Variants in FTO observed in about 807,000 individuals in gnomAD.
The protein encoded by FTO is alpha-ketoglutarate-dependent dioxygenase FTO.
FTO carries 47 observed loss-of-function variants against 63.9 expected under a neutral mutation model. The observed-to-expected ratio is 0.74, with a 90% CI of 0.58 to 0.94. The LOEUF (loss-of-function observed/expected upper bound fraction) is 0.94. Ranked by LOEUF, FTO falls within the 40% of genes least tolerant of loss-of-function variation. The pLI is 0.00. For synonymous variants in FTO, 207 were observed against 224.4 expected (o/e 0.92, Z 0.69); for missense variants, 562 against 618.1 (o/e 0.91, Z 0.96).
chr16:53,923,090 G>A (rs2082046018), intron 7 of FTO: 1 of 152,160 alleles, frequency 6.6e-6, no homozygotes, highest in Admixed American at 6.5e-5. Context: ...AAAACAGAGG[G>A]AGAAAGAAGA....
rs373566964 is a variant in FTO at position 54,075,336 on chromosome 16, G to A, written c.1365-36426G>A. Among the ~76,000 whole-genome samples, 22 of 152,162 alleles carry A rather than the reference G, an allele frequency of 1.4e-4. No individual in the cohort carries two copies. The East Asian group carries it at 2.3e-3, about 16-fold the overall frequency. ...TGGTTTGTTCGCCTCTGATAAAAAA[G>A]ATATATGAAAAAGAATCTGACAGTG... On this transcript the variant is annotated intron_variant, in intron 8 of 8. Transcript: ENST00000471389.
intron 1 of FTO, among the ~76,000 whole-genome samples, chr16:53,757,982 A>AGCC (rs1567960584): frequency 6.6e-6 from 1 of 152,232 alleles, no homozygotes. Context: ...TGGAGTATTC[A>AGCC]GCCTTTCTTT....
chr16:54,063,670 G>GT (rs1215350964), intron 8 of FTO: 2 of 151,740 alleles, frequency 1.3e-5, no homozygotes, highest in African/African-American at 4.9e-5. Flanking sequence ...ATGGCCCAGA[G>GT]GCACAGCCAT....
intron 7 of FTO, among the ~76,000 whole-genome samples, chr16:53,899,620 A>G (rs891436683): frequency 3.3e-5 from 5 of 152,202 alleles, no homozygotes; most frequent in Non-Finnish European, 4.4e-5. Context: ...CTGCTTGTCT[A>G]CACTTCAGAC....
intron 7 of FTO, among the ~76,000 whole-genome samples, chr16:53,916,377 A>T (rs1463767589): frequency 6.6e-6 from 1 of 152,164 alleles, no homozygotes; most frequent in Non-Finnish European, 1.5e-5. Context: ...CGTTTCTTTT[A>T]TTCTAAATCA....
At chr16:53,733,176 G>T (rs983006831) in intron 1 of FTO, among the ~76,000 whole-genome samples, 1 of 152,212 alleles carries the variant, frequency 6.6e-6, no homozygotes, top group African/African-American at 2.4e-5. Context: ...GAGGCGGGAG[G>T]ATCACCTGAG....
intron 1 of FTO, among the ~76,000 whole-genome samples, chr16:53,740,992 A>G (rs2076516481): frequency 6.6e-6 from 1 of 152,194 alleles, no homozygotes; most frequent in South Asian, 2.1e-4. Flanking sequence ...TTGTTTTTTA[A>G]TCGACCTTGA....
rs77536297 is a variant in FTO at position 53,831,464 on chromosome 16, A to G, written c.751+4973A>G. 1.6e-3 allele frequency among the ~76,000 whole-genome samples: 204 copies of G among 128,508 alleles called. 1 individual carries two copies. The highest frequency in any genetic ancestry group is 2.1e-3 in the African/African-American group (71 of 33,764). 84.3% of individuals were successfully genotyped at this position (128,508 alleles called of 152,430 possible). On this transcript the variant is annotated intron_variant, in intron 3 of 8. Coordinates refer to ENST00000471389, the MANE Select transcript of FTO (RefSeq NM_001080432.3). ...GCTCACAAGAAGACCAAAGGGGGGG[A>G]AAAAACTTATTTGATCTACAAAGTT...
chr16:53,729,137 C>T (rs1034665911), intron 1 of FTO, among the ~76,000 whole-genome samples: 2 of 152,094 alleles, frequency 1.3e-5, no homozygotes, highest in African/African-American at 4.8e-5. Context: ...CTTCTTTCAT[C>T]TCTTCATCTT....
At chr16:53,960,633 G>T (rs1454871362) in intron 8 of FTO, among the ~76,000 whole-genome samples, 1 of 151,620 alleles carries the variant, frequency 6.6e-6, no homozygotes, top group Non-Finnish European at 1.5e-5. Context: ...ATGACATGAA[G>T]CATTTCTCAG....
chr16:53,844,540 G>A (rs116267924), intron 4 of FTO, among the ~76,000 whole-genome samples: 2,124 of 152,072 alleles, frequency 0.014, 44 homozygotes, highest in African/African-American at 0.049. Flanking sequence ...GCTCATTGCC[G>A]TTTCCACCTC....
At chr16:54,007,021 C>T (rs866478209) in intron 8 of FTO, among the ~76,000 whole-genome samples, 9 of 152,234 alleles carry the variant, frequency 5.9e-5, no homozygotes, top group Non-Finnish European at 1.0e-4. Flanking sequence ...TCTCCTTACA[C>T]AGATCGTCCT....
chr16:53,936,308 G>A (rs1213947273), intron 8 of FTO, among the ~76,000 whole-genome samples: 1 of 152,176 alleles, frequency 6.6e-6, no homozygotes, highest in Non-Finnish European at 1.5e-5. Context: ...CAAGAGGCTG[G>A]TGTCTTGAGA....
At chr16:54,099,844 G>A (rs1290144384) in intron 8 of FTO, among the ~76,000 whole-genome samples, 1 of 152,116 alleles carries the variant, frequency 6.6e-6, no homozygotes, top group Non-Finnish European at 1.5e-5. Flanking sequence ...TGCCTGCCTG[G>A]GGAGCCAAGT....
At chr16:53,953,306 G>A (rs115244658) in intron 8 of FTO, among the ~76,000 whole-genome samples, 117 of 152,296 alleles carry the variant, frequency 7.7e-4, no homozygotes, top group African/African-American at 2.6e-3. Flanking sequence ...GAAAGTAAAC[G>A]TTGTCTATCT....
intron 1 of FTO, among the ~76,000 whole-genome samples, chr16:53,800,065 TTC>T (rs1343704651): frequency 6.6e-6 from 1 of 152,070 alleles, no homozygotes; most frequent in Non-Finnish European, 1.5e-5. Context: ...GTTCTTCTTT[TTC>T]GAGTTTCTCC....
rs1318824163 is a variant in FTO, at chr16:54,115,272, T to G, written c.*3357T>G. The G allele has an allele frequency of 2.0e-5, 3 of 152,212 alleles. No individual in the cohort carries two copies. The highest frequency in any genetic ancestry group is 7.2e-5 in the African/African-American group (3 of 41,402). 9.4% of individuals were successfully genotyped at this position (152,212 alleles called of 1,614,324 possible). A position where few individuals can be genotyped will look rare whatever the true frequency, so the allele number is the denominator to read the frequency against. On this transcript the variant is annotated 3_prime_UTR_variant, in exon 9 of 9. Transcript: ENST00000471389. ...CTACTGACTGCCCTACCTCCCTCCC[T>G]TCCTCCCATGAATGTTTCTTGGTGC...
chr16:53,948,958 GTGTA>G (rs1470496263), intron 8 of FTO, among the ~76,000 whole-genome samples: 2 of 152,184 alleles, frequency 1.3e-5, no homozygotes, highest in Admixed American at 6.5e-5. Flanking sequence ...GCGCGTGAGT[GTGTA>G]TGTGTGTACG....
chr16:53,733,373 G>C (rs143969750), intron 1 of FTO, among the ~76,000 whole-genome samples: 40 of 152,244 alleles, frequency 2.6e-4, no homozygotes, highest in African/African-American at 8.7e-4. Context: ...CTGCATTCCA[G>C]CCTGGGTAAC....
Sources: allele counts gnomAD v4.1 joint callset (sites outside exome capture counted in the v4.1 genomes callset), GRCh38; gene constraint gnomAD v4.1.1; transcripts MANE v1.5; gene names NCBI Gene and HGNC (gene_info 2026-07-23, HGNC 2026-07-21).